PNPT1: variants seen among roughly 807,000 people sequenced by gnomAD.
PNPT1 encodes polyribonucleotide nucleotidyltransferase 1, mitochondrial.
In PNPT1, 53 loss-of-function variants were observed where a neutral mutation model predicts 119.5. The observed-to-expected ratio is 0.44, with a 90% CI of 0.36 to 0.56. PNPT1 has a LOEUF of 0.56. Ranked by LOEUF, PNPT1 falls within the 20% of genes least tolerant of loss-of-function variation. The pLI is 0.00. For missense variants in PNPT1, 948 were observed against 938.5 expected, an observed-to-expected ratio of 1.01 and a Z score of -0.13; for synonymous variants, 357 against 322.1, an observed-to-expected ratio of 1.11 and a Z score of -1.16.
In PNPT1 at chr2:55,660,232, A is replaced by G. The variant is rs754150848; in HGVS notation, c.1248-39T>C. 4.6e-6 allele frequency: 7 copies of G among 1,525,628 alleles called. No individual in the cohort carries two copies. The South Asian group carries it at 7.8e-5, about 17-fold the overall frequency. The allele number at this position is 1,525,628 out of a possible 1,614,324, so 94.5% of individuals were successfully genotyped here. A position where few individuals can be genotyped will look rare whatever the true frequency, so the allele number is the denominator to read the frequency against. On this transcript the variant is annotated intron_variant, in intron 14 of 27. Coordinates refer to ENST00000447944, the MANE Select transcript of PNPT1 (RefSeq NM_033109.5). The stretch of plus-strand genomic sequence containing the variant: ...GCATAATATTAAAAACATCATAGGG[A>G]AAAAACATATTTATTTCAAAACACA...
At chr2:55,672,793 G>T in intron 9 of PNPT1, 100 bp downstream of exon 9, 4 of 1,115,434 alleles carry the variant, frequency 3.6e-6, no homozygotes, top group South Asian at 3.2e-5. Context: ...TGCTATTTAT[G>T]AAGTAATGCA....
In PNPT1 at chr2:55,647,357, G is replaced by C. The variant is rs374698153; in HGVS notation, c.1592C>G (p.Thr531Arg). 155 of 1,604,756 alleles carry C rather than the reference G, an allele frequency of 9.7e-5. No individual in the cohort carries two copies. The highest frequency in any genetic ancestry group is 1.2e-4 in the Non-Finnish European group (144 of 1,175,212). The part of the protein sequence containing the change: ...KGEIEDYRLL[T>R]DILGIEDYNG... Reference sequence around the variant, plus strand: ...CGAGAATATACTTGCCAAAATATCTGTCAGCAAACGATAATCTTCTATTTC... The same window carrying C: ...CGAGAATATACTTGCCAAAATATCTCTCAGCAAACGATAATCTTCTATTTC... Residue 531 changes from threonine (T) to arginine (R), a missense_variant, in exon 19 of 28, where the codon ACA becomes AGA. Coordinates refer to ENST00000447944, the MANE Select transcript of PNPT1 (RefSeq NM_033109.5).
chr2:55,646,232 A>G (rs1462038493), intron 21 of PNPT1, 27 bp downstream of exon 21: 5 of 1,584,368 alleles, frequency 3.2e-6, no homozygotes, highest in Non-Finnish European at 4.3e-6. Context: ...GAAAAGAATG[A>G]AGGGAGAATC....
chr2:55,691,472 G>A (rs1697597834), intron 1 of PNPT1, among the ~76,000 whole-genome samples: 1 of 152,088 alleles, frequency 6.6e-6, no homozygotes, highest in South Asian at 2.1e-4. Context: ...TTATCCAGCA[G>A]GTATGATATT....
chr2:55,691,950 G>A (rs1251856080), intron 1 of PNPT1, among the ~76,000 whole-genome samples: 1 of 138,676 alleles, frequency 7.2e-6, no homozygotes, highest in African/African-American at 2.8e-5. Flanking sequence ...GCAATGGCAC[G>A]ATCTCTGCCA....
chr2:55,684,793 T>G, intron 4 of PNPT1, 150 bp downstream of exon 4: 1 of 1,082,968 alleles, frequency 9.2e-7, no homozygotes, highest in Non-Finnish European at 1.2e-6. Context: ...TGCCCACATT[T>G]GAGTGAGGGA....
intron 13 of PNPT1, among the ~76,000 whole-genome samples, chr2:55,664,800 A>G (rs952528654): frequency 3.2e-4 from 49 of 152,264 alleles, no homozygotes; most frequent in Non-Finnish European, 4.4e-4. Context: ...AAACTTGACT[A>G]AAGAGCATAA....
At chr2:55,645,601 C>T (rs917707988) in intron 21 of PNPT1, among the ~76,000 whole-genome samples, 169 bp from the exon 22 acceptor site, 1 of 152,166 alleles carries the variant, frequency 6.6e-6, no homozygotes, top group African/African-American at 2.4e-5. Context: ...CCAAAAATCC[C>T]ATCTTAAATA....
intron 8 of PNPT1, among the ~76,000 whole-genome samples, chr2:55,674,994 C>G (rs1247227480): frequency 1.3e-5 from 2 of 152,156 alleles, no homozygotes; most frequent in Non-Finnish European, 2.9e-5. Flanking sequence ...GGTGTGATGG[C>G]TCATGCCTAT....
intron 11 of PNPT1, among the ~76,000 whole-genome samples, chr2:55,670,249 C>T (rs992774229): frequency 3.3e-5 from 5 of 151,900 alleles, no homozygotes; most frequent in Admixed American, 6.6e-5. Flanking sequence ...TGCAGTGGCG[C>T]GATCTCGACT....
At chr2:55,693,541 T>G (rs1315891634) in intron 1 of PNPT1, 122 bp downstream of exon 1, 2 of 1,378,296 alleles carry the variant, frequency 1.5e-6, no homozygotes, top group Non-Finnish European at 2.0e-6. Context: ...GAATTTAGGT[T>G]TAGGGTAAGG....
At chr2:55,676,843 C>G (rs1199413797) in intron 8 of PNPT1, among the ~76,000 whole-genome samples, 1 of 142,888 alleles carries the variant, frequency 7.0e-6, no homozygotes, top group African/African-American at 2.6e-5. Context: ...GCCTCGGCAA[C>G]AGAGAGAGAC....
At chr2:55,642,146 G>A (rs1695852491) in intron 25 of PNPT1, among the ~76,000 whole-genome samples, 1 of 151,508 alleles carries the variant, frequency 6.6e-6, no homozygotes, top group African/African-American at 2.4e-5. Context: ...AGCCGAAATT[G>A]GATTTAAAAA....
At chr2:55,647,004 T>C (rs1696025955) in intron 19 of PNPT1, among the ~76,000 whole-genome samples, 1 of 152,062 alleles carries the variant, frequency 6.6e-6, no homozygotes, top group African/African-American at 2.4e-5. Flanking sequence ...CCCAGGCTAA[T>C]TTTTGTATTT....
chr2:55,660,214 A>G lies in PNPT1; in HGVS notation c.1248-21T>C, dbSNP rs760950716. The G allele has an allele frequency of 7.0e-6, 11 of 1,571,092 alleles. No homozygotes were observed. The Admixed American group carries it at 2.0e-4, about 28-fold the overall frequency. ...TCCCACTAAAAATAAAAGGCATAAT[A>G]TTAAAAACATCATAGGGAAAAAACA... On this transcript the variant is annotated intron_variant, in intron 14 of 27. Coordinates refer to ENST00000447944, the MANE Select transcript of PNPT1 (RefSeq NM_033109.5).
intron 25 of PNPT1, among the ~76,000 whole-genome samples, chr2:55,642,231 C>T (rs916058336): frequency 1.3e-5 from 2 of 151,908 alleles, no homozygotes; most frequent in African/African-American, 4.8e-5. Context: ...AGAAATATTG[C>T]TAAGTCTATT....
chr2:55,650,613 G>T (rs1194215416), intron 18 of PNPT1, among the ~76,000 whole-genome samples: 8 of 151,928 alleles, frequency 5.3e-5, no homozygotes, highest in Admixed American at 5.2e-4. Context: ...ATCCCATCTG[G>T]GAAGTGAGGA....
chr2:55,640,456 T>G (rs181417234), intron 26 of PNPT1, among the ~76,000 whole-genome samples, 171 bp downstream of exon 26: 21 of 152,278 alleles, frequency 1.4e-4, no homozygotes, highest in Admixed American at 9.2e-4. Context: ...CCAGCCAATT[T>G]TTCTTTATGC....
At chr2:55,665,529 G>C (rs1200904381) in intron 13 of PNPT1, among the ~76,000 whole-genome samples, 3 of 152,050 alleles carry the variant, frequency 2.0e-5, no homozygotes, top group Non-Finnish European at 2.9e-5. Context: ...AAAATAGCAG[G>C]TAAAACACAG....
Sources: allele counts gnomAD v4.1 joint callset (sites outside exome capture counted in the v4.1 genomes callset), GRCh38; gene constraint gnomAD v4.1.1; transcripts MANE v1.5; gene names NCBI Gene and HGNC (gene_info 2026-07-23, HGNC 2026-07-21).